PCDH15: variants seen among roughly 807,000 people sequenced by gnomAD.
The protein encoded by PCDH15 is protocadherin related 15, also known as protocadherin-15.
In PCDH15, 129 loss-of-function variants were observed where a neutral mutation model predicts 178.5. That is an observed-to-expected ratio of 0.72 (90% confidence interval 0.63 to 0.84). PCDH15 has a LOEUF of 0.84. PCDH15 is among the 40% of genes least tolerant of loss of function. PCDH15 has a pLI of 0.00. For missense variants in PCDH15, 2,230 were observed against 2,099.9 expected (o/e 1.06, Z -1.21); for synonymous variants, 800 against 732.0 (o/e 1.09, Z -1.50).
intron 1 of PCDH15, among the ~76,000 whole-genome samples, chr10:54,694,477 A>G (rs1048694495): frequency 3.9e-5 from 6 of 152,090 alleles, no homozygotes; most frequent in East Asian, 1.9e-4. Context: ...AAATATTCCA[A>G]TTTTTACAAA....
chr10:54,664,859 G>C (rs554678811), intron 1 of PCDH15, among the ~76,000 whole-genome samples: 1 of 150,538 alleles, frequency 6.6e-6, no homozygotes, highest in East Asian at 2.0e-4. Context: ...GAAGCATTTG[G>C]ATGCATTTCA....
intron 15 of PCDH15, among the ~76,000 whole-genome samples, chr10:54,122,605 G>T: frequency 6.6e-6 from 1 of 150,866 alleles, no homozygotes; most frequent in South Asian, 2.1e-4. Flanking sequence ...AAAAAAATCA[G>T]ACTATCTGCC....
At chr10:55,081,543 G>A (rs1842042501) in intron 2 of PCDH15, among the ~76,000 whole-genome samples, 1 of 152,148 alleles carries the variant, frequency 6.6e-6, no homozygotes, top group African/African-American at 2.4e-5. Flanking sequence ...ATACCAGTTA[G>A]GAGGCAAGGC....
At chr10:54,348,868 G>C (rs905938134) in intron 5 of PCDH15, among the ~76,000 whole-genome samples, 13 of 152,070 alleles carry the variant, frequency 8.5e-5, no homozygotes, top group African/African-American at 3.1e-4. Context: ...TATACTGTCT[G>C]CTGCAATTAC....
chr10:55,412,268 T>TA (rs1463942720), intron 2 of PCDH15, among the ~76,000 whole-genome samples: 4 of 152,038 alleles, frequency 2.6e-5, no homozygotes, highest in Admixed American at 2.0e-4. Context: ...ATACAATTAA[T>TA]AATTTTTTAG....
At chr10:54,234,171 TG>T (rs2054381423) in intron 9 of PCDH15, among the ~76,000 whole-genome samples, 3 of 150,854 alleles carry the variant, frequency 2.0e-5, no homozygotes, top group Admixed American at 1.3e-4. Context: ...TGTGTGTGTG[TG>T]TGTGCTGTGT....
intron 2 of PCDH15, among the ~76,000 whole-genome samples, chr10:55,405,516 G>C (rs1838179023): frequency 6.6e-6 from 1 of 150,996 alleles, no homozygotes; most frequent in Non-Finnish European, 1.5e-5. Flanking sequence ...ATAATTTTTT[G>C]TAGTGTTCTA....
At chr10:54,138,857 T>A (rs1186776681) in intron 14 of PCDH15, among the ~76,000 whole-genome samples, 1 of 152,178 alleles carries the variant, frequency 6.6e-6, no homozygotes, top group South Asian at 2.1e-4. Flanking sequence ...TGGATCTTTA[T>A]GTGTGTTTAT....
chr10:55,572,030 T>C (rs750236371), intron 2 of PCDH15, among the ~76,000 whole-genome samples: 2 of 152,098 alleles, frequency 1.3e-5, no homozygotes, highest in Admixed American at 6.6e-5. Flanking sequence ...TTTCAATATT[T>C]TATGAAGTTG....
chr10:54,745,965 G>T (rs1442200896), intron 1 of PCDH15, among the ~76,000 whole-genome samples: 1 of 152,158 alleles, frequency 6.6e-6, no homozygotes, highest in Non-Finnish European at 1.5e-5. Flanking sequence ...TGGAATAGTA[G>T]TCAAAATCTC....
rs1479670422 is a variant in PCDH15, at chr10:54,796,358, T to C, written c.-29+4567A>G. ...AGGTATCTATATCTATATATCAACC[T>C]TCCTATTATCTGTATGTATGCCTGT... On this transcript the variant is annotated intron_variant, in intron 1 of 37. Transcript: ENST00000644397. 8.6e-5 allele frequency among the ~76,000 whole-genome samples: 13 copies of C among 151,790 alleles called. No homozygotes were observed. The South Asian group carries it at 2.7e-3, about 31-fold the overall frequency.
At chr10:55,273,033 T>C (rs867280638) in intron 1 of PCDH15, among the ~76,000 whole-genome samples, 2 of 152,174 alleles carry the variant, frequency 1.3e-5, no homozygotes, top group Middle Eastern at 6.8e-3. Flanking sequence ...TATTCATTTT[T>C]ATAAGCCCAA....
chr10:54,062,095 G>A (rs1297804141), intron 18 of PCDH15, among the ~76,000 whole-genome samples: 1 of 151,474 alleles, frequency 6.6e-6, no homozygotes, highest in African/African-American at 2.4e-5. Context: ...CATGGTGGAG[G>A]TTGCCTGTAA....
chr10:54,839,294 A>T (rs1953375686), intron 3 of PCDH15, among the ~76,000 whole-genome samples: 1 of 152,148 alleles, frequency 6.6e-6, no homozygotes, highest in African/African-American at 2.4e-5. Context: ...CATAAGAAAT[A>T]GAAGTTTAAT....
At chr10:54,169,404 G>A (rs1487218760) in intron 13 of PCDH15, among the ~76,000 whole-genome samples, 13 of 135,116 alleles carry the variant, frequency 9.6e-5, no homozygotes, top group Non-Finnish European at 2.0e-4. Context: ...TGTGGGTATT[G>A]ACGGCCAGGC....
intron 2 of PCDH15, among the ~76,000 whole-genome samples, chr10:54,632,893 G>A (rs2093740059): frequency 6.6e-6 from 1 of 152,114 alleles, no homozygotes; most frequent in South Asian, 2.1e-4. Context: ...GTAGTTTTAG[G>A]AGGAAATGTG....
At chr10:55,045,702 A>G (rs1840985794) in intron 2 of PCDH15, among the ~76,000 whole-genome samples, 1 of 152,122 alleles carries the variant, frequency 6.6e-6, no homozygotes, top group Admixed American at 6.6e-5. Flanking sequence ...TGGCACATAC[A>G]AATGAAAGAT....
intron 3 of PCDH15, among the ~76,000 whole-genome samples, chr10:54,414,849 C>A (rs1032617708): frequency 6.6e-6 from 1 of 151,844 alleles, no homozygotes; most frequent in Non-Finnish European, 1.5e-5. Context: ...TAGGCTGGCA[C>A]TTGAAGAAAA....
intron 3 of PCDH15, among the ~76,000 whole-genome samples, chr10:54,402,963 G>A (rs1272154512): frequency 6.6e-6 from 1 of 151,948 alleles, no homozygotes; most frequent in Non-Finnish European, 1.5e-5. Flanking sequence ...TAATGAGGAA[G>A]GCATGTTGTA....
Sources: gnomAD v4.1 joint callset for allele counts (sites outside exome capture counted in the v4.1 genomes callset) on GRCh38, gnomAD v4.1.1 for gene constraint, MANE v1.5 for transcripts, NCBI Gene and HGNC (gene_info 2026-07-23, HGNC 2026-07-21) for gene names.